Variants in HERC1 observed in about 807,000 individuals in gnomAD.
The protein encoded by HERC1 is probable E3 ubiquitin-protein ligase HERC1.
In HERC1, 160 loss-of-function variants were observed where a neutral mutation model predicts 554.3. The ratio of observed to expected loss-of-function variants is 0.29; its 90% CI spans 0.25 to 0.33. The LOEUF (loss-of-function observed/expected upper bound fraction) is 0.33. Ranked by LOEUF, HERC1 falls within the 10% of genes least tolerant of loss-of-function variation. The pLI is 1.00. For missense variants in HERC1, 4,919 were observed against 5,918.5 expected (o/e 0.83, Z 5.54); for synonymous variants, 2,175 against 2,131.7 (o/e 1.02, Z -0.56).
In HERC1 at chr15:63,753,005, C is replaced by G; in HGVS notation, c.1855G>C (p.Val619Leu). The G allele has an allele frequency of 6.2e-7, 1 of 1,613,718 alleles. No individual in the cohort carries two copies. Among genetic ancestry groups the G allele is most frequent in the Non-Finnish European group, 8.5e-7 (1 of 1,179,710 alleles). ...AGTGAAGACTGGCTCCCAGCACAAA[C>G]TTTGCGAATGAACATTCCTTGTAAA... ...EALQGMFIRK[V>L]CAGSQSSLAL... is the part of the protein sequence containing the mutation. Residue 619 changes from valine to leucine, a missense_variant, in exon 8 of 78, where the codon GTT becomes CTT. Transcript: ENST00000443617.
At chr15:63,639,316 T>G (rs1293147033) in intron 61 of HERC1, among the ~76,000 whole-genome samples, 3 of 152,260 alleles carry the variant, frequency 2.0e-5, no homozygotes, top group Admixed American at 1.3e-4. Flanking sequence ...CAAATACTTA[T>G]CACTGTTACA....
intron 2 of HERC1, among the ~76,000 whole-genome samples, chr15:63,773,041 T>C (rs2075998604): frequency 6.6e-6 from 1 of 152,122 alleles, no homozygotes; most frequent in Non-Finnish European, 1.5e-5. Flanking sequence ...TTGTTGCGGG[T>C]AGGGGGAGAC....
Position 63,686,266 on chromosome 15 carries a change from T to TC in HERC1, c.6225+92_6225+93insG, listed in dbSNP as rs201368473. ...TAATAGAACATTTACATATCACGAT[T>TC]TTTTTTCAGTCTTTCTACACATTTA... On this transcript the variant is annotated intron_variant, in intron 34 of 77. Coordinates refer to ENST00000443617, the MANE Select transcript of HERC1 (RefSeq NM_003922.4). 1,152 of 911,572 alleles carry TC rather than the reference T, an allele frequency of 1.3e-3. 11 individuals carry two copies. In the African/African-American group the frequency reaches 0.017, roughly 13 times the overall value. The allele number at this position is 911,572 out of a possible 1,614,324, so 56.5% of individuals were successfully genotyped here. A position where few individuals can be genotyped will look rare whatever the true frequency, so the allele number is the denominator to read the frequency against.
At chr15:63,687,988 A>G (rs1178763987) in intron 33 of HERC1, among the ~76,000 whole-genome samples, 1 of 152,246 alleles carries the variant, frequency 6.6e-6, no homozygotes, top group Non-Finnish European at 1.5e-5. Context: ...GATTTTATCC[A>G]AAGAATGACG....
chr15:63,671,186 A>C (rs1021864035), intron 39 of HERC1, among the ~76,000 whole-genome samples: 14 of 142,786 alleles, frequency 9.8e-5, no homozygotes, highest in Admixed American at 4.3e-4. Context: ...CTGGGCAACA[A>C]GAGTGAAACT....
chr15:63,678,428 A>C, intron 36 of HERC1, 63 bp from the exon 37 acceptor site: 1 of 1,468,922 alleles, frequency 6.8e-7, no homozygotes, highest in Non-Finnish European at 9.0e-7. Flanking sequence ...GTCACTATAA[A>C]TTCTAACATG....
At chr15:63,695,456 G>A (rs1027314391) in intron 27 of HERC1, among the ~76,000 whole-genome samples, 2 of 142,056 alleles carry the variant, frequency 1.4e-5, no homozygotes, top group African/African-American at 2.6e-5. Flanking sequence ...GGTGATCTTC[G>A]CTCACTGCAA....
chr15:63,737,471 C>G (rs1441165889), intron 12 of HERC1, among the ~76,000 whole-genome samples: 3 of 35,520 alleles, frequency 8.4e-5, no homozygotes, highest in African/African-American at 3.1e-4. Context: ...ATATATATAT[C>G]TTTTTTCCAG....
intron 61 of HERC1, 43 bp from the exon 62 acceptor site, chr15:63,638,819 A>C: frequency 7.1e-7 from 1 of 1,403,192 alleles, no homozygotes. Context: ...TGCTTAGGCA[A>C]GATGCACCTG....
rs372338210 is a variant in HERC1, at chr15:63,696,209, A to G, written c.5036T>C (p.Leu1679Pro). 5.0e-6 allele frequency: 8 copies of G among 1,613,490 alleles called. No homozygotes were observed. In the African/African-American group the frequency reaches 1.1e-4, roughly 22 times the overall value. Residue 1679 changes from leucine to proline, a missense_variant, in exon 27 of 78, where the codon CTG becomes CCG. Physicochemically the swap from Leu to Pro is moderately conservative, Grantham distance 98. Around this residue, in one of 11 missense-constraint regions of HERC1, gnomAD observed 1,121 missense variants for 1,244.0 expected, o/e 0.90. Coordinates refer to ENST00000443617, the MANE Select transcript of HERC1 (RefSeq NM_003922.4). ...QSSTLLTSVR[L>P]QFLAGCFGLG... is the part of the protein sequence containing the mutation. ...ACCAAAACACCCTGCTAGGAACTGC[A>G]GCCTCACAGACGTGAGTAGTGTGGA...
At chr15:63,647,298 G>T (rs2069405895) in intron 55 of HERC1, among the ~76,000 whole-genome samples, 1 of 150,488 alleles carries the variant, frequency 6.6e-6, no homozygotes, top group Admixed American at 6.6e-5. Flanking sequence ...AACACAATGA[G>T]ATATCATCTC....
chr15:63,721,776 C>T (rs2140521265), intron 19 of HERC1, among the ~76,000 whole-genome samples: 1 of 151,836 alleles, frequency 6.6e-6, no homozygotes, highest in African/African-American at 2.4e-5. Context: ...CTGAACAATC[C>T]CGATCATCGT....
chr15:63,727,686 C>T lies in HERC1; in HGVS notation c.3307G>A (p.Asp1103Asn), dbSNP rs768771380. The change falls in exon 17 of 78, where the codon GAT becomes AAT. Residue 1103 changes from aspartate to asparagine, a missense_variant. Around this residue, in one of 11 missense-constraint regions of HERC1, gnomAD observed 1,121 missense variants for 1,244.0 expected, o/e 0.90. Coordinates refer to ENST00000443617, the MANE Select transcript of HERC1 (RefSeq NM_003922.4). The surrounding 1 kb of genome is among the most constrained non-coding windows in gnomAD (Gnocchi z 4.3). Reference protein sequence around the residue: ...DCLNRLLPAADLLEDQELQWP... With the variant: ...DCLNRLLPAANLLEDQELQWP... ...TGTAACTCCTGGTCTTCTAAAAGAT[C>T]AGCAGCTGGCAGGAGTCTATTAAGG... The T allele has an allele frequency of 6.2e-7, 1 of 1,613,342 alleles. No individual in the cohort carries two copies. Among genetic ancestry groups the T allele is most frequent in the Non-Finnish European group, 8.5e-7 (1 of 1,179,614 alleles).
chr15:63,634,993 T>C (rs1375201444), intron 65 of HERC1, 105 bp from the exon 66 acceptor site: 3 of 767,514 alleles, frequency 3.9e-6, no homozygotes, highest in Non-Finnish European at 6.0e-6. Flanking sequence ...TACATAAACT[T>C]CACTGAAAAC....
intron 75 of HERC1, 111 bp downstream of exon 75, chr15:63,616,319 G>A: frequency 5.1e-6 from 6 of 1,175,928 alleles, no homozygotes; most frequent in Non-Finnish European, 7.2e-6. Flanking sequence ...ATATGGCATT[G>A]TTCAGCCAGA....
At chr15:63,757,670 T>A (rs928743573) in intron 4 of HERC1, among the ~76,000 whole-genome samples, 2 of 152,114 alleles carry the variant, frequency 1.3e-5, no homozygotes, top group Non-Finnish European at 2.9e-5. Context: ...TATTTGAAAG[T>A]TGGAAATGCT....
At position 63,670,033 on chromosome 15, in the gene HERC1, T is replaced by C. The variant is rs566356504; in HGVS notation, c.8046-335A>G. On this transcript the variant is annotated intron_variant, in intron 39 of 77. Coordinates refer to ENST00000443617, the MANE Select transcript of HERC1 (RefSeq NM_003922.4). ...CCAAGATAAGAGGGGTAATTTGGTA[T>C]GTACAGTTACAGTGCAAAGAAGGCT... Among the ~76,000 whole-genome samples the C allele has an allele frequency of 1.6e-4, 25 of 152,338 alleles. No individual in the cohort carries two copies. In the South Asian group the frequency reaches 4.1e-3, roughly 25 times the overall value.
At chr15:63,779,839 C>A (rs1218322010) in intron 1 of HERC1, 1 of 151,670 alleles carries the variant, frequency 6.6e-6, no homozygotes, top group Non-Finnish European at 1.5e-5. Context: ...CATGGTGAAA[C>A]CCCGTCTTTA....
chr15:63,744,748 C>T lies in HERC1; in HGVS notation c.2520+2170G>A, dbSNP rs888817284. Among the ~76,000 whole-genome samples the T allele has an allele frequency of 6.6e-5, 10 of 152,160 alleles. 1 individual carries two copies. The highest frequency in any genetic ancestry group is 9.7e-5 in the African/African-American group (4 of 41,446). On this transcript the variant is annotated intron_variant, in intron 12 of 77. Transcript: ENST00000443617. ...CTGGCCTAGGTCTCACCCTTCAGGG[C>T]AGTGGGTTCTCCTGTAGCCCAGGAC...
Sources: allele counts gnomAD v4.1 joint callset (sites outside exome capture counted in the v4.1 genomes callset), GRCh38; gene constraint gnomAD v4.1.1; regional missense constraint gnomAD v4.1.1; non-coding constraint Gnocchi (gnomAD v3.1); transcripts MANE v1.5; gene names NCBI Gene and HGNC (gene_info 2026-07-23, HGNC 2026-07-21).